The following PTPRT variants were observed in gnomAD, a reference collection of about 807,000 sequenced individuals.
The protein encoded by PTPRT is protein tyrosine phosphatase receptor type T, also known as receptor-type tyrosine-protein phosphatase T.
A neutral mutation model predicts 176.8 loss-of-function variants in PTPRT; 56 were observed. The ratio of observed to expected loss-of-function variants is 0.32; its 90% CI spans 0.26 to 0.40. The LOEUF is 0.40. Ranked by LOEUF, PTPRT falls within the 10% of genes least tolerant of loss-of-function variation. The probability of loss-of-function intolerance (pLI) is 1.00; values close to 1 mark genes in which losing one functional copy is unlikely to be tolerated. For synonymous variants in PTPRT, 783 were observed against 739.0 expected (o/e 1.06, Z -0.96); for missense variants, 1,540 against 1,908.2 (o/e 0.81, Z 3.60).
chr20:42,328,596 A>G (rs1031868292), intron 11 of PTPRT, among the ~76,000 whole-genome samples: 1 of 152,182 alleles, frequency 6.6e-6, no homozygotes, highest in African/African-American at 2.4e-5. Flanking sequence ...ACTTGATAAA[A>G]TCACTCATTT....
intron 1 of PTPRT, among the ~76,000 whole-genome samples, chr20:43,046,986 T>C (rs1986863546): frequency 6.6e-6 from 1 of 152,194 alleles, no homozygotes; most frequent in African/African-American, 2.4e-5. Context: ...TCGGCAATTA[T>C]TCAGCATCTC....
Position 42,268,073 on chromosome 20 carries a change from G to T in PTPRT, c.2176+14416C>A, listed in dbSNP as rs942666459. ...TGTGGTCCTGCAGCTCTCTGAGTTG[G>T]TGCTGATATGAAAAGAGGCTCCTGT... On this transcript the variant is annotated intron_variant, in intron 13 of 30. Transcript: ENST00000373187. 7.2e-5 allele frequency among the ~76,000 whole-genome samples: 11 copies of T among 152,126 alleles called. 1 individual carries two copies. Among genetic ancestry groups the T allele is most frequent in the African/African-American group, 2.7e-4 (11 of 41,424 alleles).
At chr20:42,085,547 A>T (rs778630982) in intron 28 of PTPRT, among the ~76,000 whole-genome samples, 181 bp downstream of exon 28, 1 of 152,122 alleles carries the variant, frequency 6.6e-6, no homozygotes, top group African/African-American at 2.4e-5. Flanking sequence ...TTGCATCTCT[A>T]TGTGTTGGAG....
chr20:42,357,251 A>G (rs1422903033), intron 9 of PTPRT, among the ~76,000 whole-genome samples: 2 of 152,166 alleles, frequency 1.3e-5, no homozygotes, highest in East Asian at 1.9e-4. Context: ...CTACTCTCAC[A>G]CTACGAAAGC....
intron 1 of PTPRT, among the ~76,000 whole-genome samples, chr20:43,172,479 C>T (rs562564838): frequency 9.0e-4 from 137 of 152,320 alleles, no homozygotes; most frequent in African/African-American, 2.1e-3. Context: ...AACATTCCTG[C>T]GTTTTCAATG....
At chr20:42,106,740 G>A in intron 24 of PTPRT, 46 bp downstream of exon 24, 1 of 1,588,190 alleles carries the variant, frequency 6.3e-7, no homozygotes. Flanking sequence ...GTTTCTCCTT[G>A]GTCAGGGCTA....
chr20:42,836,101 T>C (rs1305486022), intron 2 of PTPRT, among the ~76,000 whole-genome samples: 1 of 152,134 alleles, frequency 6.6e-6, no homozygotes, highest in Non-Finnish European at 1.5e-5. Flanking sequence ...CTCTAGAATT[T>C]GACTCCAAGA....
intron 11 of PTPRT, among the ~76,000 whole-genome samples, chr20:42,319,080 T>C (rs140528620): frequency 1.3e-3 from 203 of 152,314 alleles, no homozygotes; most frequent in African/African-American, 4.7e-3. Context: ...TCAGCCTGTA[T>C]ATCCCCATCA....
chr20:43,058,761 T>C (rs952366587), intron 1 of PTPRT, among the ~76,000 whole-genome samples: 3 of 152,198 alleles, frequency 2.0e-5, no homozygotes, highest in African/African-American at 4.8e-5. Context: ...TGCTGCAGTT[T>C]TCAGTACAAC....
chr20:43,134,102 G>C (rs187201921), intron 1 of PTPRT, among the ~76,000 whole-genome samples: 1 of 152,172 alleles, frequency 6.6e-6, no homozygotes, highest in East Asian at 1.9e-4. Flanking sequence ...CCACCATAAA[G>C]ATATAGTCAG....
chr20:42,832,019 A>G (rs938589803), intron 2 of PTPRT, among the ~76,000 whole-genome samples: 2 of 152,240 alleles, frequency 1.3e-5, no homozygotes, highest in Non-Finnish European at 2.9e-5. Flanking sequence ...CAGCAGTCCC[A>G]TTACTGGGTA....
At chr20:42,582,231 G>A (rs1489438741) in intron 7 of PTPRT, among the ~76,000 whole-genome samples, 1 of 152,142 alleles carries the variant, frequency 6.6e-6, no homozygotes, top group African/African-American at 2.4e-5. Context: ...TTCCTGGGGT[G>A]TGAAGGAGCT....
intron 2 of PTPRT, among the ~76,000 whole-genome samples, chr20:42,870,225 T>C (rs1186781647): frequency 6.6e-6 from 1 of 152,182 alleles, no homozygotes; most frequent in Non-Finnish European, 1.5e-5. Context: ...GTTTGACTGC[T>C]CTAGATACAT....
intron 2 of PTPRT, among the ~76,000 whole-genome samples, chr20:42,805,788 G>T (rs1289331330): frequency 6.6e-6 from 1 of 152,106 alleles, no homozygotes; most frequent in Non-Finnish European, 1.5e-5. Flanking sequence ...TTCTGATGCT[G>T]CATCACTTTT....
intron 1 of PTPRT, among the ~76,000 whole-genome samples, chr20:43,062,633 G>T (rs1987518981): frequency 6.6e-6 from 1 of 152,164 alleles, no homozygotes; most frequent in Non-Finnish European, 1.5e-5. Flanking sequence ...GAATAATCAA[G>T]AATGAATACC....
At chr20:42,835,163 C>T (rs2078159706) in intron 2 of PTPRT, among the ~76,000 whole-genome samples, 1 of 152,098 alleles carries the variant, frequency 6.6e-6, no homozygotes, top group South Asian at 2.1e-4. Context: ...AAGCTGGAGG[C>T]TTCTAGGCAT....
rs767383329 is a variant in PTPRT at position 42,161,456 on chromosome 20, A to T, written c.2578T>A (p.Tyr860Asn). 1.2e-6 allele frequency: 2 copies of T among 1,614,098 alleles called. No homozygotes were observed. Among genetic ancestry groups the T allele is most frequent in the Admixed American group, 3.3e-5 (2 of 60,016 alleles). ...YRTCDPVEMSYPRDQFQPAIR... is the reference protein window; with the variant it reads ...YRTCDPVEMSNPRDQFQPAIR... ...GCGGGTTGGAACTGGTCCCGGGGGT[A>T]GCTCATCTCCACAGGGTCACAGGTG... Residue 860 changes from tyrosine to asparagine, a missense_variant, in exon 17 of 31, where the codon TAC (tyrosine) becomes AAC (asparagine). Physicochemically the swap from Tyr to Asn is moderately radical, Grantham distance 143. Coordinates refer to ENST00000373187, the MANE Select transcript of PTPRT (RefSeq NM_007050.6).
rs536317781 is a variant in PTPRT, at chr20:42,792,868, A to T, written c.215-1402T>A. ...TCTCCTTCAGGTTCTGAGTGAATTTAAAAACAGACATGAGAGAGATAGAAA... is the reference window on the plus strand; with the variant it reads ...TCTCCTTCAGGTTCTGAGTGAATTTTAAAACAGACATGAGAGAGATAGAAA... On this transcript the variant is annotated intron_variant, in intron 2 of 30. Coordinates refer to ENST00000373187, the MANE Select transcript of PTPRT (RefSeq NM_007050.6). Among the ~76,000 whole-genome samples, 6 of 152,352 alleles carry T rather than the reference A, an allele frequency of 3.9e-5. No homozygotes were observed. The East Asian group carries it at 1.2e-3, about 29-fold the overall frequency.
At chr20:42,678,521 G>C (rs2075548600) in intron 6 of PTPRT, among the ~76,000 whole-genome samples, 1 of 152,020 alleles carries the variant, frequency 6.6e-6, no homozygotes, top group Non-Finnish European at 1.5e-5. Context: ...GGCTGGTCTT[G>C]AACTCCAGAC....
Sources: gnomAD v4.1 joint callset for allele counts (sites outside exome capture counted in the v4.1 genomes callset) on GRCh38, gnomAD v4.1.1 for gene constraint, MANE v1.5 for transcripts, NCBI Gene and HGNC (gene_info 2026-07-23, HGNC 2026-07-21) for gene names.